VPS45: variants seen among roughly 807,000 people sequenced by gnomAD.
VPS45 encodes the protein vacuolar protein sorting-associated protein 45.
Under a neutral mutation model 75.9 loss-of-function variants are expected in VPS45, and 35 were observed. The ratio of observed to expected loss-of-function variants is 0.46; its 90% CI spans 0.35 to 0.61. The LOEUF (loss-of-function observed/expected upper bound fraction) is 0.61, where lower values mean the gene tolerates loss of function less well. VPS45 is among the 20% of genes least tolerant of loss of function. The pLI, the probability that VPS45 is intolerant of heterozygous loss-of-function variation, is 0.00. For missense variants in VPS45, 559 were observed against 685.9 expected (o/e 0.81, Z 2.07); for synonymous variants, 220 against 238.2 (o/e 0.92, Z 0.70).
Position 150,106,148 on chromosome 1 carries a change from A to G in VPS45, c.1494-4348A>G, listed in dbSNP as rs147554451. Among the ~76,000 whole-genome samples, 509 of 152,328 alleles carry G rather than the reference A, an allele frequency of 3.3e-3. 3 individuals carry two copies. Among genetic ancestry groups the G allele is most frequent in the Non-Finnish European group, 5.4e-3 (366 of 68,032 alleles). On this transcript the variant is annotated intron_variant, in intron 13 of 14. Transcript: ENST00000644510. ...CCTAGATGTGGGACCTGAAACTGTGAAAGTCCTAGATGAAAACCTAGGAAA... is the reference window on the plus strand; with the variant it reads ...CCTAGATGTGGGACCTGAAACTGTGGAAGTCCTAGATGAAAACCTAGGAAA...
In VPS45 at chr1:150,095,474, G is replaced by A. The variant is rs116202343; in HGVS notation, c.1493+1826G>A. Among the ~76,000 whole-genome samples, 837 of 152,204 alleles carry A rather than the reference G, an allele frequency of 5.5e-3. 4 individuals are homozygous for A. Among genetic ancestry groups the A allele is most frequent in the African/African-American group, 0.019 (793 of 41,524 alleles). ...CTAAAACTACAAAAATTAGCCTGGCGTGGGTAGCAGGCGCCTGTAATCCCA... is the reference window on the plus strand; with the variant it reads ...CTAAAACTACAAAAATTAGCCTGGCATGGGTAGCAGGCGCCTGTAATCCCA... On this transcript the variant is annotated intron_variant, in intron 13 of 14. Transcript: ENST00000644510.
At chr1:150,095,557 T>G (rs1176769011) in intron 13 of VPS45, among the ~76,000 whole-genome samples, 1 of 150,658 alleles carries the variant, frequency 6.6e-6, no homozygotes, top group Non-Finnish European at 1.5e-5. Flanking sequence ...GAGGTTGCAG[T>G]GAGCTGAAAT....
At chr1:150,085,692 G>A (rs1655967666) in intron 10 of VPS45, among the ~76,000 whole-genome samples, 1 of 152,094 alleles carries the variant, frequency 6.6e-6, no homozygotes, top group Admixed American at 6.5e-5. Flanking sequence ...AATGAGGTTT[G>A]TGAGTAGAGA....
intron 14 of VPS45, among the ~76,000 whole-genome samples, chr1:150,125,579 T>A (rs1658468375): frequency 8.1e-6 from 1 of 124,036 alleles, no homozygotes; most frequent in South Asian, 2.4e-4. Context: ...ATGTTCTCAC[T>A]CATAGGTGGG....
intron 13 of VPS45, among the ~76,000 whole-genome samples, chr1:150,100,457 T>A (rs1185789411): frequency 6.6e-6 from 1 of 152,188 alleles, no homozygotes; most frequent in Non-Finnish European, 1.5e-5. Flanking sequence ...ACCAATGACA[T>A]TCTTCACAGA....
rs16833591 is a variant in VPS45, at chr1:150,072,072, C to T, written c.229-94C>T. On this transcript the variant is annotated intron_variant, in intron 2 of 14. Transcript: ENST00000644510. Reference sequence around the variant, plus strand: ...AACCTAGACTTCAATATGCAGTAGACGCAGTAAATAAACAAATCAATGGGT... The same window carrying T: ...AACCTAGACTTCAATATGCAGTAGATGCAGTAAATAAACAAATCAATGGGT... 11,093 of 1,029,436 alleles carry T rather than the reference C, an allele frequency of 0.011. 779 individuals carry two copies. The African/African-American group carries it at 0.16, about 14-fold the overall frequency. The allele number at this position is 1,029,436 out of a possible 1,614,324, so 63.8% of individuals were successfully genotyped here.
chr1:150,117,696 C>T (rs2101622857), intron 14 of VPS45, among the ~76,000 whole-genome samples: 1 of 150,286 alleles, frequency 6.7e-6, no homozygotes, highest in Non-Finnish European at 1.5e-5. Context: ...CCATCTCTAC[C>T]AAAAATACAA....
intron 2 of VPS45, among the ~76,000 whole-genome samples, chr1:150,069,518 G>A (rs1358020733): frequency 2.9e-5 from 4 of 135,684 alleles, no homozygotes; most frequent in African/African-American, 8.4e-5. Context: ...GTGCAGTGGC[G>A]CAATCTCGGC....
chr1:150,110,811 C>T (rs1410747701), intron 14 of VPS45, among the ~76,000 whole-genome samples, 184 bp downstream of exon 14: 3 of 152,082 alleles, frequency 2.0e-5, no homozygotes, highest in African/African-American at 4.8e-5. Flanking sequence ...TAGTTAAGTT[C>T]GTTAAGTTCA....
chr1:150,124,552 C>CTTTTTTTTTTTTTTTTTTT (rs1415553849), intron 14 of VPS45, among the ~76,000 whole-genome samples: 1 of 140,218 alleles, frequency 7.1e-6, no homozygotes, highest in Non-Finnish European at 1.5e-5. Context: ...TTTCTTTTTT[C>CTTTTTTTTTTTTTTTTTTT]TTTTTTTTTT....
In VPS45 at chr1:150,076,320, T is replaced by A. The variant is rs201637627; in HGVS notation, c.369+8T>A. 1.2e-4 allele frequency: 196 copies of A among 1,599,166 alleles called. No individual in the cohort carries two copies. The highest frequency in any genetic ancestry group is 1.6e-4 in the Non-Finnish European group (188 of 1,171,294). On this transcript the variant is annotated splice_region_variant and intron_variant, in intron 4 of 14. Coordinates refer to ENST00000644510, the MANE Select transcript of VPS45 (RefSeq NM_007259.5). ...GTTGTGGCTGAGGTTCAGGTAAACA[T>A]ATTGGTCCTGTAACACATCTCGTAT...
At chr1:150,102,503 T>G (rs1169324786) in intron 13 of VPS45, among the ~76,000 whole-genome samples, 8 of 150,898 alleles carry the variant, frequency 5.3e-5, no homozygotes, top group Admixed American at 3.3e-4. Context: ...GACCCAAGAT[T>G]GTGCCCTTGC....
chr1:150,068,407 A>G (rs782679331), intron 1 of VPS45: 3 of 419,934 alleles, frequency 7.1e-6, no homozygotes, highest in Non-Finnish European at 8.3e-6. Flanking sequence ...CTGTTCAAAG[A>G]GACCATGTTT....
intron 14 of VPS45, among the ~76,000 whole-genome samples, chr1:150,136,355 A>C (rs141992007): frequency 0.014 from 2,194 of 151,928 alleles, 64 homozygotes; most frequent in African/African-American, 0.051. Flanking sequence ...GGAGTTCAAG[A>C]CCAGCCTGGC....
rs782105280 is a variant in VPS45 at position 150,099,112 on chromosome 1, A to G, written c.1493+5464A>G. 2.0e-5 allele frequency: 20 copies of G among 990,820 alleles called. No homozygotes were observed. In the South Asian group the frequency reaches 4.8e-4, roughly 24 times the overall value. The allele number at this position is 990,820 out of a possible 1,614,324, so 61.4% of individuals were successfully genotyped here. A position where few individuals can be genotyped will look rare whatever the true frequency, so the allele number is the denominator to read the frequency against. ...ATGTTCAGAAATTACAATTTTAGCC[A>G]TAAGTGTAATGCTCCACAAAATAGA... On this transcript the variant is annotated intron_variant, in intron 13 of 14. Transcript: ENST00000644510.
At chr1:150,068,223 A>G (rs1553796262) in intron 1 of VPS45, 4 of 480,168 alleles carry the variant, frequency 8.3e-6, no homozygotes. Flanking sequence ...TTAATATGTC[A>G]GAGCACTTGG....
rs782670487 is a variant in VPS45, at chr1:150,068,746, T to C, written c.210T>C (p.Cys70=). 46 of 1,611,738 alleles carry C rather than the reference T, an allele frequency of 2.9e-5. No homozygotes were observed. Among genetic ancestry groups the C allele is most frequent in the Non-Finnish European group, 3.9e-5 (46 of 1,178,842 alleles). ...TCATGAAACACCTGAAGGCAATTTG[T>C]TTTCTTCGACCTACAAAGGTACTGC... ...REIMKHLKAI[C]FLRPTKENVD... Residue 70 remains cysteine (C), a synonymous_variant, in exon 2 of 15, where the codon TGT becomes TGC. Transcript: ENST00000644510.
chr1:150,133,976 T>C (rs1658952390), intron 14 of VPS45, among the ~76,000 whole-genome samples: 1 of 151,972 alleles, frequency 6.6e-6, no homozygotes, highest in Non-Finnish European at 1.5e-5. Flanking sequence ...GGCTCCTGTT[T>C]GCTTCTTTGT....
intron 14 of VPS45, among the ~76,000 whole-genome samples, chr1:150,142,388 G>T (rs587607331): frequency 6.6e-6 from 1 of 152,138 alleles, no homozygotes; most frequent in Non-Finnish European, 1.5e-5. Flanking sequence ...ACCTCCAATT[G>T]TGTCTAGTCC....
Sources: allele counts gnomAD v4.1 joint callset (sites outside exome capture counted in the v4.1 genomes callset), GRCh38; gene constraint gnomAD v4.1.1; transcripts MANE v1.5; gene names NCBI Gene and HGNC (gene_info 2026-07-23, HGNC 2026-07-21).